Variants in GABRR2 observed in about 807,000 individuals in gnomAD.
The protein encoded by GABRR2 is gamma-aminobutyric acid type A receptor subunit rho2.
A neutral mutation model predicts 47.0 loss-of-function variants in GABRR2; 36 were observed. The ratio of observed to expected loss-of-function variants is 0.77; its 90% CI spans 0.59 to 1.01. GABRR2 has a LOEUF of 1.01. Ranked by LOEUF, GABRR2 falls within the 50% of genes least tolerant of loss-of-function variation. GABRR2 has a pLI of 0.00. For missense variants in GABRR2, 587 were observed against 594.6 expected (o/e 0.99, Z 0.13); for synonymous variants, 204 against 227.5 (o/e 0.90, Z 0.93).
chr6:89,292,727 G>T (rs1426876668), intron 2 of GABRR2, among the ~76,000 whole-genome samples: 1 of 128,234 alleles, frequency 7.8e-6, no homozygotes, highest in African/African-American at 3.0e-5. Flanking sequence ...GATATATATC[G>T]TATATATCAT....
intron 2 of GABRR2, among the ~76,000 whole-genome samples, chr6:89,279,251 T>A (rs1582449084): frequency 1.3e-5 from 2 of 152,120 alleles, no homozygotes; most frequent in Non-Finnish European, 2.9e-5. Context: ...TCCACCATCA[T>A]CCTCGTGTTG....
chr6:89,262,617 G>A (rs1275455756), intron 8 of GABRR2, among the ~76,000 whole-genome samples: 1 of 152,212 alleles, frequency 6.6e-6, no homozygotes, highest in Non-Finnish European at 1.5e-5. Flanking sequence ...TAATGCAGGT[G>A]TTGAAAGACA....
At chr6:89,295,676 G>T (rs1010316528) in intron 2 of GABRR2, among the ~76,000 whole-genome samples, 17 of 150,732 alleles carry the variant, frequency 1.1e-4, no homozygotes, top group African/African-American at 3.7e-4. Context: ...CATTGCTTTT[G>T]GTGTTTTAGA....
chr6:89,284,581 G>T (rs531800103), intron 2 of GABRR2, among the ~76,000 whole-genome samples: 2 of 152,164 alleles, frequency 1.3e-5, no homozygotes, highest in South Asian at 4.1e-4. Context: ...CCCGCTGTTG[G>T]CTGGCTTTGA....
At chr6:89,264,711 G>A in intron 7 of GABRR2, 103 bp from the exon 8 acceptor site, 1 of 1,412,148 alleles carries the variant, frequency 7.1e-7, no homozygotes, top group South Asian at 1.3e-5. Flanking sequence ...AACCACATGA[G>A]AAAGTCCCAG....
chr6:89,297,082 C>G (rs981620392), intron 2 of GABRR2, among the ~76,000 whole-genome samples: 2 of 152,120 alleles, frequency 1.3e-5, no homozygotes, highest in Non-Finnish European at 2.9e-5. Context: ...CACAAAAGAC[C>G]ACACTGAGGC....
intron 2 of GABRR2, among the ~76,000 whole-genome samples, chr6:89,297,375 C>T (rs1257222125): frequency 6.6e-6 from 1 of 152,148 alleles, no homozygotes; most frequent in African/African-American, 2.4e-5. Context: ...AGGGACCCAG[C>T]TAGGAGGGGG....
chr6:89,312,596 CTG>C (rs1767698762), intron 1 of GABRR2, among the ~76,000 whole-genome samples: 1 of 152,224 alleles, frequency 6.6e-6, no homozygotes, highest in Admixed American at 6.5e-5. Context: ...CACTCTAAGA[CTG>C]TAATCAGAAG....
intron 1 of GABRR2, among the ~76,000 whole-genome samples, chr6:89,310,469 G>C (rs1767661974): frequency 6.6e-6 from 1 of 152,056 alleles, no homozygotes; most frequent in Non-Finnish European, 1.5e-5. Context: ...TTAAATGTCA[G>C]TGTCCCCAGG....
chr6:89,275,096 C>T (rs1303188597), intron 2 of GABRR2, among the ~76,000 whole-genome samples: 1 of 152,056 alleles, frequency 6.6e-6, no homozygotes, highest in African/African-American at 2.4e-5. Flanking sequence ...GGATTTATCA[C>T]ATCCAGCAAA....
chr6:89,308,303 G>T (rs1352300656), intron 1 of GABRR2, among the ~76,000 whole-genome samples: 1 of 152,116 alleles, frequency 6.6e-6, no homozygotes, highest in Non-Finnish European at 1.5e-5. Flanking sequence ...GATCAATAAA[G>T]TGGCCACTAG....
At chr6:89,293,985 T>C (rs1029501275) in intron 2 of GABRR2, among the ~76,000 whole-genome samples, 1 of 152,240 alleles carries the variant, frequency 6.6e-6, no homozygotes, top group African/African-American at 2.4e-5. Context: ...TTTCTCTTTC[T>C]AGACTAAAAA....
At chr6:89,272,590 GTTAATGA>G (rs1774078111) in intron 2 of GABRR2, among the ~76,000 whole-genome samples, 1 of 152,164 alleles carries the variant, frequency 6.6e-6, no homozygotes, top group South Asian at 2.1e-4. Flanking sequence ...TATCAGGCGT[GTTAATGA>G]ATGCCATTAC....
intron 1 of GABRR2, chr6:89,301,877 C>G: frequency 8.7e-7 from 1 of 1,145,522 alleles, no homozygotes; most frequent in Non-Finnish European, 1.3e-6. Flanking sequence ...GGCATAGACC[C>G]CAGCGGCAAC....
intron 1 of GABRR2, among the ~76,000 whole-genome samples, chr6:89,307,015 A>G (rs146022991): frequency 6.6e-6 from 1 of 152,314 alleles, no homozygotes; most frequent in East Asian, 1.9e-4. Flanking sequence ...ATCTCTGTCC[A>G]TTGCACTTAG....
chr6:89,275,918 G>A (rs970046650), intron 2 of GABRR2, among the ~76,000 whole-genome samples: 7 of 151,982 alleles, frequency 4.6e-5, no homozygotes, highest in African/African-American at 1.4e-4. Flanking sequence ...AAAGCTCTCC[G>A]GAGTGGTAGT....
chr6:89,291,287 C>T (rs970612863), intron 2 of GABRR2, among the ~76,000 whole-genome samples: 2 of 152,162 alleles, frequency 1.3e-5, no homozygotes, highest in African/African-American at 4.8e-5. Flanking sequence ...TGCATCCAAC[C>T]TCAGCCCGTC....
At chr6:89,264,668 A>T in intron 7 of GABRR2, 60 bp from the exon 8 acceptor site, 1 of 1,571,730 alleles carries the variant, frequency 6.4e-7, no homozygotes, top group Non-Finnish European at 8.7e-7. Flanking sequence ...CTCATATCTC[A>T]CTAAGTCACG....
chr6:89,284,023 C>T (rs559445680), intron 2 of GABRR2, among the ~76,000 whole-genome samples: 38 of 152,182 alleles, frequency 2.5e-4, no homozygotes, highest in Admixed American at 1.8e-3. Flanking sequence ...GCAAACTCTC[C>T]GATGGTCCCA....
Sources: allele counts gnomAD v4.1 joint callset (sites outside exome capture counted in the v4.1 genomes callset), GRCh38; gene constraint gnomAD v4.1.1; transcripts MANE v1.5; gene names NCBI Gene and HGNC (gene_info 2026-07-23, HGNC 2026-07-21).